Variants in F13A1 observed in about 807,000 individuals in gnomAD.
F13A1 encodes coagulation factor XIII A chain.
F13A1 carries 47 observed loss-of-function variants against 80.1 expected under a neutral mutation model. The ratio of observed to expected loss-of-function variants is 0.59; its 90% confidence interval spans 0.46 to 0.75. The LOEUF is 0.75. Among genes scored for constraint, F13A1 ranks in the 30% least tolerant of loss-of-function variants. The pLI is 0.00. For missense variants in F13A1, 817 were observed against 930.4 expected (o/e 0.88, Z 1.59); for synonymous variants, 349 against 344.9 (o/e 1.01, Z -0.13).
intron 3 of F13A1, among the ~76,000 whole-genome samples, chr6:6,293,788 AGG>A: frequency 1.2e-4 from 4 of 32,762 alleles, no homozygotes; most frequent in African/African-American, 5.7e-4. Context: ...AGAGAGAGGG[AGG>A]GAGGGAGGGA....
At chr6:6,222,594 C>T (rs1038993493) in intron 7 of F13A1, among the ~76,000 whole-genome samples, 1 of 152,180 alleles carries the variant, frequency 6.6e-6, no homozygotes, top group African/African-American at 2.4e-5. Context: ...CCAGAATTTG[C>T]TCCTGTGACA....
rs549669034 is a variant in F13A1 at position 6,253,167 on chromosome 6, A to T, written c.572-2238T>A. On this transcript the variant is annotated intron_variant, in intron 4 of 14. Coordinates refer to ENST00000264870, the MANE Select transcript of F13A1 (RefSeq NM_000129.4). ...CAAAAAAAAAAAAAAAAAAAAAGAG[A>T]GAGAGAGAGAGAGAAAATAGCCAAA... Among the ~76,000 whole-genome samples the T allele has an allele frequency of 6.2e-3, 691 of 110,688 alleles. 4 individuals carry two copies. Among genetic ancestry groups the T allele is most frequent in the African/African-American group, 0.028 (659 of 23,464 alleles). 72.6% of individuals were successfully genotyped at this position (110,688 alleles called of 152,430 possible).
intron 13 of F13A1, among the ~76,000 whole-genome samples, chr6:6,166,236 T>G (rs903552237): frequency 2.0e-5 from 3 of 152,228 alleles, no homozygotes; most frequent in Non-Finnish European, 4.4e-5. Context: ...TGTGGGGTTG[T>G]TGGTGGTTGA....
chr6:6,196,456 GT>G, intron 9 of F13A1, among the ~76,000 whole-genome samples: 1 of 152,302 alleles, frequency 6.6e-6, no homozygotes, highest in South Asian at 2.1e-4. Flanking sequence ...TTAGTCACCT[GT>G]AAAATGTCCC....
rs770570204 is a variant in F13A1, at chr6:6,308,606, C to CTTTT, written c.131-3071_131-3068dup. ...TAAAGCAAAACCCTTAAAACACATTCTTTTTTTTTTTTTTTTTTTTTTTTG... is the reference window on the plus strand; with the variant it reads ...TAAAGCAAAACCCTTAAAACACATTCTTTTTTTTTTTTTTTTTTTTTTTTTTTTG... On this transcript the variant is annotated intron_variant, in intron 2 of 14. Transcript: ENST00000264870. Among the ~76,000 whole-genome samples, 642 of 88,790 alleles carry CTTTT rather than the reference C, an allele frequency of 7.2e-3. 1 individual carries two copies. The highest frequency in any genetic ancestry group is 0.022 in the Middle Eastern group (2 of 90). The allele number at this position is 88,790 out of a possible 152,430, so 58.2% of individuals were successfully genotyped here. A position where few individuals can be genotyped will look rare whatever the true frequency, so the allele number is the denominator to read the frequency against.
chr6:6,156,330 T>G (rs2151069714), intron 13 of F13A1, among the ~76,000 whole-genome samples: 1 of 152,338 alleles, frequency 6.6e-6, no homozygotes, highest in Admixed American at 6.5e-5. Context: ...TTATATAAAC[T>G]TTTTGGAAAG....
intron 3 of F13A1, among the ~76,000 whole-genome samples, chr6:6,294,968 C>G (rs1438067249): frequency 1.4e-5 from 2 of 144,102 alleles, no homozygotes; most frequent in Non-Finnish European, 1.5e-5. Flanking sequence ...TTGTTCAATT[C>G]CCACCTGTGA....
intron 3 of F13A1, among the ~76,000 whole-genome samples, chr6:6,297,923 G>A (rs1020414140): frequency 2.5e-4 from 37 of 149,734 alleles, no homozygotes; most frequent in Admixed American, 1.8e-3. Context: ...CTTTGAATGC[G>A]TCCCTGAGAT....
chr6:6,298,756 T>A (rs2113171340), intron 3 of F13A1, among the ~76,000 whole-genome samples: 1 of 149,924 alleles, frequency 6.7e-6, no homozygotes, highest in South Asian at 2.1e-4. Context: ...ACATTCAAAG[T>A]TAATATTGTT....
At chr6:6,241,547 T>C (rs1781794) in intron 6 of F13A1, among the ~76,000 whole-genome samples, 85,130 of 152,040 alleles carry the variant, frequency 0.56, 25,997 homozygotes, top group African/African-American at 0.82. Flanking sequence ...TGGGTAAATG[T>C]GAAAAAGTTC....
intron 3 of F13A1, among the ~76,000 whole-genome samples, chr6:6,299,269 G>T (rs1211597332): frequency 1.5e-4 from 16 of 108,986 alleles, no homozygotes; most frequent in Non-Finnish European, 2.7e-4. Context: ...GGCGTTCTCT[G>T]TATTTCCTGA....
intron 2 of F13A1, among the ~76,000 whole-genome samples, chr6:6,313,769 G>A (rs1758640533): frequency 6.6e-6 from 1 of 152,050 alleles, no homozygotes; most frequent in African/African-American, 2.4e-5. Flanking sequence ...ATGATTAAAA[G>A]CATTTTCTTA....
chr6:6,230,553 G>T (rs1048759903), intron 6 of F13A1, among the ~76,000 whole-genome samples: 2 of 152,064 alleles, frequency 1.3e-5, no homozygotes, highest in African/African-American at 4.8e-5. Flanking sequence ...GGAGTTCTGG[G>T]GCCCTGCCCA....
chr6:6,149,412 C>T (rs953012438), intron 14 of F13A1, among the ~76,000 whole-genome samples: 4 of 152,192 alleles, frequency 2.6e-5, no homozygotes, highest in Non-Finnish European at 5.9e-5. Flanking sequence ...TTGTGGTCCT[C>T]ACACATTCAT....
At chr6:6,289,002 T>C (rs1758174942) in intron 3 of F13A1, among the ~76,000 whole-genome samples, 1 of 152,238 alleles carries the variant, frequency 6.6e-6, no homozygotes, top group Admixed American at 6.5e-5. Context: ...GTAAATCACT[T>C]AATCCCTGTG....
intron 3 of F13A1, among the ~76,000 whole-genome samples, chr6:6,280,606 G>A (rs7745141): frequency 0.58 from 88,949 of 152,066 alleles, 26,478 homozygotes; most frequent in African/African-American, 0.71. Flanking sequence ...AAACAATACA[G>A]GAGACCACGG....
At chr6:6,219,914 A>G (rs1265119252) in intron 8 of F13A1, among the ~76,000 whole-genome samples, 3 of 152,238 alleles carry the variant, frequency 2.0e-5, no homozygotes, top group Non-Finnish European at 4.4e-5. Flanking sequence ...GAAGGCAATA[A>G]TAGCAGCTAA....
rs1401130404 is a variant in F13A1 at position 6,176,115 on chromosome 6, G to A, written c.1460-1248C>T. Among the ~76,000 whole-genome samples, 7 of 152,184 alleles carry A rather than the reference G, an allele frequency of 4.6e-5. No individual in the cohort carries two copies. In the South Asian group the frequency reaches 1.4e-3, roughly 32 times the overall value. On this transcript the variant is annotated intron_variant, in intron 11 of 14. Coordinates refer to ENST00000264870, the MANE Select transcript of F13A1 (RefSeq NM_000129.4). ...TCCCTAAGGATAGAGATGAGAAGAT[G>A]AAGGCAAATTCCTTGGCTTGTAAAA... is the stretch of plus-strand genomic sequence containing the variant.
At chr6:6,274,210 A>T (rs1208145027) in intron 3 of F13A1, among the ~76,000 whole-genome samples, 1 of 152,254 alleles carries the variant, frequency 6.6e-6, no homozygotes, top group Non-Finnish European at 1.5e-5. Context: ...TTTGGAACGT[A>T]GTAGGTGCTC....
Sources: gnomAD v4.1 joint callset for allele counts (sites outside exome capture counted in the v4.1 genomes callset) on GRCh38, gnomAD v4.1.1 for gene constraint, MANE v1.5 for transcripts, NCBI Gene and HGNC (gene_info 2026-07-23, HGNC 2026-07-21) for gene names.